The following HPS4 variants were observed in gnomAD, a reference collection of about 807,000 sequenced individuals.
The protein encoded by HPS4 is BLOC-3 complex member HPS4.
HPS4 carries 44 observed loss-of-function variants against 70.3 expected under a neutral mutation model. The observed-to-expected ratio is 0.63, with a 90% CI of 0.49 to 0.80. The LOEUF (loss-of-function observed/expected upper bound fraction) is 0.80. Among genes scored for constraint, HPS4 ranks in the 30% least tolerant of loss-of-function variants. HPS4 has a pLI of 0.00. For missense variants in HPS4, 873 were observed against 884.4 expected (o/e 0.99, Z 0.16); for synonymous variants, 377 against 355.9 (o/e 1.06, Z -0.67).
chr22:26,455,697 G>A (rs1159105962), intron 13 of HPS4, among the ~76,000 whole-genome samples: 1 of 151,288 alleles, frequency 6.6e-6, no homozygotes, highest in Non-Finnish European at 1.5e-5. Context: ...CACACCTCAC[G>A]TTGTGCACAG....
Position 26,452,004 on chromosome 22 carries a change from G to GCGCGCGCACA in HPS4, c.*1228_*1229insTGTGCGCGCG, listed in dbSNP as rs886057307. The GCGCGCGCACA allele has an allele frequency of 2.8e-5, 3 of 105,770 alleles. No homozygotes were observed. Among genetic ancestry groups the GCGCGCGCACA allele is most frequent in the African/African-American group, 1.4e-4 (3 of 22,018 alleles). 6.6% of individuals were successfully genotyped at this position (105,770 alleles called of 1,614,324 possible). On this transcript the variant is annotated 3_prime_UTR_variant, in exon 14 of 14. Transcript: ENST00000398145. Reference sequence around the variant, plus strand: ...CCACGTTACGCGCGCGCGCGCGCGCGCACACACACACACACACACACACAC... The same window carrying GCGCGCGCACA: ...CCACGTTACGCGCGCGCGCGCGCGCGCGCGCGCACACACACACACACACACACACACACAC...
chr22:26,465,670 A>G, intron 9 of HPS4, 119 bp from the exon 10 acceptor site: 1 of 795,430 alleles, frequency 1.3e-6, no homozygotes, highest in South Asian at 1.5e-5. Context: ...GGGTGCTGTG[A>G]GTGCATTCCT....
intron 12 of HPS4, 116 bp from the exon 13 acceptor site, chr22:26,458,083 TGCCCGGGGCAGAGACAAAG>T: frequency 5.5e-6 from 5 of 914,524 alleles, no homozygotes; most frequent in South Asian, 1.4e-5. Context: ...ATGAGTTGGC[TGCCCGGGGCAGAGACAAAG>T]GCCCGGGGCA....
intron 13 of HPS4, among the ~76,000 whole-genome samples, chr22:26,454,774 T>C (rs1335188844): frequency 6.6e-6 from 1 of 152,130 alleles, no homozygotes; most frequent in Admixed American, 6.5e-5. Flanking sequence ...CAAAAGAAAC[T>C]ACCATCAGAG....
In HPS4 at chr22:26,481,747, A is replaced by G. The variant is rs2091311084; in HGVS notation, c.16T>C (p.Ser6Pro). Residue 6 changes from serine (S) to proline (P), a missense_variant, in exon 2 of 14, where the codon TCC becomes CCC. By Grantham distance (74) the Ser-to-Pro change is moderately conservative. Transcript: ENST00000398145. ...CACGAGGCTGACTTTGCCTCTGTGG[A>G]GGTAGAGGTGGCCATCTACTGTGCA... MATST[S>P]TEAKSASWWN... 6.2e-7 allele frequency: 1 copy of G among 1,614,044 alleles called. No homozygotes were observed. Among genetic ancestry groups the G allele is most frequent in the African/African-American group, 1.3e-5 (1 of 74,936 alleles).
At chr22:26,473,067 T>C in intron 4 of HPS4, 128 bp from the exon 5 acceptor site, 1 of 769,104 alleles carries the variant, frequency 1.3e-6, no homozygotes, top group Non-Finnish European at 2.3e-6. Flanking sequence ...CTATTGTCCC[T>C]GAGTCCACAC....
chr22:26,475,057 C>T (rs781479225), intron 4 of HPS4, among the ~76,000 whole-genome samples: 7 of 152,172 alleles, frequency 4.6e-5, no homozygotes, highest in Non-Finnish European at 1.0e-4. Context: ...ACTCTATGAC[C>T]CAGCAATTCC....
At chr22:26,463,430 A>G (rs918170484) in intron 11 of HPS4, among the ~76,000 whole-genome samples, 1 of 152,218 alleles carries the variant, frequency 6.6e-6, no homozygotes, top group Admixed American at 6.5e-5. Context: ...AAATGAGGCC[A>G]TGAGCAGGGG....
intron 5 of HPS4, 60 bp downstream of exon 5, chr22:26,472,772 T>C: frequency 8.1e-7 from 1 of 1,231,248 alleles, no homozygotes; most frequent in Non-Finnish European, 1.2e-6. Flanking sequence ...TGCTGCATTC[T>C]GGCAATACCG....
At chr22:26,464,857 C>A in intron 10 of HPS4, 31 bp from the exon 11 acceptor site, 1 of 1,564,636 alleles carries the variant, frequency 6.4e-7, no homozygotes, top group Non-Finnish European at 8.6e-7. Flanking sequence ...AAGGAAGGGG[C>A]ACGTTGACAG....
Position 26,464,073 on chromosome 22 carries a change from G to A in HPS4, c.1557C>T (p.Gly519=), listed in dbSNP as rs768100817. 6.8e-6 allele frequency: 11 copies of A among 1,614,132 alleles called. No individual in the cohort carries two copies. The highest frequency in any genetic ancestry group is 8.5e-6 in the Non-Finnish European group (10 of 1,180,048). The change falls in exon 11 of 14, where the codon GGC becomes GGT. Residue 519 remains glycine, a synonymous_variant. Transcript: ENST00000398145. ...TGGAGCTGATTCCATCTGCAGAGGG[G>A]CCAGCACCCTGACAGTTTGCTGAGC... The part of the protein sequence containing the change: ...SSGSANCQGA[G]PSADGISSRL...
intron 11 of HPS4, among the ~76,000 whole-genome samples, 189 bp downstream of exon 11, chr22:26,463,728 T>C (rs371971897): frequency 1.3e-5 from 2 of 152,214 alleles, no homozygotes; most frequent in East Asian, 3.8e-4. Context: ...TGACTCACTC[T>C]TACCCCCCAC....
At chr22:26,479,744 C>G in intron 2 of HPS4, 1 of 952,934 alleles carries the variant, frequency 1.0e-6, no homozygotes. Context: ...ATGCACTCCT[C>G]ATAAGTGCTG....
rs542425849 is a variant in HPS4, at chr22:26,451,493, C to T, written c.*1740G>A. 1 of 152,314 alleles carries T rather than the reference C, an allele frequency of 6.6e-6. No individual in the cohort carries two copies. Among genetic ancestry groups the T allele is most frequent in the African/African-American group, 2.4e-5 (1 of 41,550 alleles). The allele number at this position is 152,314 out of a possible 1,614,324, so 9.4% of individuals were successfully genotyped here. On this transcript the variant is annotated 3_prime_UTR_variant, in exon 14 of 14. Coordinates refer to ENST00000398145, the MANE Select transcript of HPS4 (RefSeq NM_022081.6). ...ACACCTGCAAAGTGAAGTTTCAGGA[C>T]TTTACTTTTTCTGAGTTAATCCAGG...
chr22:26,464,715 G>A lies in HPS4; in HGVS notation c.915C>T (p.Ala305=). 6.2e-7 allele frequency: 1 copy of A among 1,603,128 alleles called. No homozygotes were observed. The highest frequency in any genetic ancestry group is 8.5e-7 in the Non-Finnish European group (1 of 1,173,054). ...GGGATGTGGGATCTGGGGTGGTCCA[G>A]GCCATGGATTCCACATGGCCAGTGG... The part of the protein sequence containing the change: ...ENATGHVESM[A]WTTPDPTSPD... Residue 305 remains alanine, a synonymous_variant, in exon 11 of 14, where the codon GCC becomes GCT. Coordinates refer to ENST00000398145, the MANE Select transcript of HPS4 (RefSeq NM_022081.6).
At chr22:26,473,089 G>A in intron 4 of HPS4, 150 bp from the exon 5 acceptor site, 1 of 699,472 alleles carries the variant, frequency 1.4e-6, no homozygotes, top group Non-Finnish European at 2.6e-6. Context: ...CTTCATTCTG[G>A]CCAAGTTAAT....
rs1331865990 is a variant in HPS4 at position 26,472,427 on chromosome 22, G to A, written c.385-9C>T. ...TCTTCCTGAGAACAGTTCTAAAACA[G>A]AAAGAGCCTCAGGTCAATATCTGAG... On this transcript the variant is annotated splice_polypyrimidine_tract_variant and intron_variant, in intron 5 of 13. Transcript: ENST00000398145. The A allele has an allele frequency of 2.6e-6, 4 of 1,521,780 alleles. No homozygotes were observed. Among genetic ancestry groups the A allele is most frequent in the Non-Finnish European group, 3.7e-6 (4 of 1,095,656 alleles). 94.3% of individuals were successfully genotyped at this position (1,521,780 alleles called of 1,614,324 possible).
At chr22:26,475,801 G>A (rs2090465689) in intron 4 of HPS4, 1 of 152,162 alleles carries the variant, frequency 6.6e-6, no homozygotes, top group Non-Finnish European at 1.5e-5. Context: ...CAGCACTTTG[G>A]GAGGCCAAGG....
intron 4 of HPS4, 129 bp from the exon 5 acceptor site, chr22:26,473,068 G>C (rs1170128147): frequency 1.3e-6 from 1 of 764,960 alleles, no homozygotes; most frequent in Non-Finnish European, 2.3e-6. Flanking sequence ...TATTGTCCCT[G>C]AGTCCACACC....
Sources: gnomAD v4.1 joint callset for allele counts (sites outside exome capture counted in the v4.1 genomes callset) on GRCh38, gnomAD v4.1.1 for gene constraint, MANE v1.5 for transcripts, NCBI Gene and HGNC (gene_info 2026-07-23, HGNC 2026-07-21) for gene names.